The following ZMIZ1 variants were observed in gnomAD, a reference collection of about 807,000 sequenced individuals.
ZMIZ1 encodes zinc finger MIZ-type containing 1.
A neutral mutation model predicts 113.9 loss-of-function variants in ZMIZ1; 17 were observed. The observed-to-expected ratio is 0.15, with a 90% CI of 0.10 to 0.22. The LOEUF (loss-of-function observed/expected upper bound fraction) is 0.22. ZMIZ1 is among the 10% of genes least tolerant of loss of function. The pLI is 1.00. For missense variants in ZMIZ1, 1,059 were observed against 1,477.8 expected (o/e 0.72, Z 4.65); for synonymous variants, 607 against 603.1 (o/e 1.01, Z -0.09).
intron 2 of ZMIZ1, among the ~76,000 whole-genome samples, chr10:79,130,935 T>C (rs2132371698): frequency 6.6e-6 from 1 of 152,220 alleles, no homozygotes; most frequent in African/African-American, 2.4e-5. Flanking sequence ...GTCCTTGCAT[T>C]TTTGCCCGGA....
intron 24 of ZMIZ1, among the ~76,000 whole-genome samples, chr10:79,311,765 C>T (rs1228937125): frequency 6.6e-6 from 1 of 152,076 alleles, no homozygotes; most frequent in Non-Finnish European, 1.5e-5. Context: ...GGGCTCCTAC[C>T]CTGAGGTCTG....
In ZMIZ1 at chr10:79,224,416, C is replaced by T. The variant is rs149940433; in HGVS notation, c.280+8142C>T. ...CTGGCTGGGTCAGCAGTTTTCCTAG[C>T]GCAGCCCTCTCTGGTTCCCCGAGAG... On this transcript the variant is annotated intron_variant, in intron 7 of 24. Coordinates refer to ENST00000334512, the MANE Select transcript of ZMIZ1 (RefSeq NM_020338.4). Among the ~76,000 whole-genome samples, 13 of 152,256 alleles carry T rather than the reference C, an allele frequency of 8.5e-5. No homozygotes were observed. In the East Asian group the frequency reaches 1.2e-3, roughly 14 times the overall value.
intron 3 of ZMIZ1, among the ~76,000 whole-genome samples, chr10:79,149,221 C>T (rs1412516885): frequency 6.6e-6 from 1 of 152,236 alleles, no homozygotes; most frequent in Non-Finnish European, 1.5e-5. Context: ...ACACCCCCTC[C>T]CATCTGTGTT....
intron 3 of ZMIZ1, among the ~76,000 whole-genome samples, chr10:79,153,011 G>T (rs1333576311): frequency 6.6e-6 from 1 of 152,250 alleles, no homozygotes; most frequent in Non-Finnish European, 1.5e-5. Context: ...GTCTGTTGAT[G>T]GGCAGGTGAA....
At chr10:79,115,447 G>A (rs1843977602) in intron 1 of ZMIZ1, among the ~76,000 whole-genome samples, 1 of 152,164 alleles carries the variant, frequency 6.6e-6, no homozygotes, top group African/African-American at 2.4e-5. Context: ...CAGGTGCTGT[G>A]GCCTGTCTGT....
intron 1 of ZMIZ1, among the ~76,000 whole-genome samples, chr10:79,109,421 A>G (rs1843663641): frequency 6.6e-6 from 1 of 152,164 alleles, no homozygotes; most frequent in South Asian, 2.1e-4. Context: ...GCTCATGGAT[A>G]AGACTCTCTG....
At chr10:79,070,142 G>C (rs1233908610) in intron 1 of ZMIZ1, among the ~76,000 whole-genome samples, 1 of 150,176 alleles carries the variant, frequency 6.7e-6, no homozygotes, top group African/African-American at 2.4e-5. Context: ...GCTGGAGCCG[G>C]GGTCGGGGGG....
At chr10:79,198,401 A>T (rs1847932933) in intron 4 of ZMIZ1, among the ~76,000 whole-genome samples, 1 of 152,114 alleles carries the variant, frequency 6.6e-6, no homozygotes, top group Non-Finnish European at 1.5e-5. Flanking sequence ...TTATTTTTAA[A>T]TTTTCTTTTT....
At chr10:79,140,971 G>A (rs997699149) in intron 3 of ZMIZ1, among the ~76,000 whole-genome samples, 5 of 152,008 alleles carry the variant, frequency 3.3e-5, no homozygotes, top group African/African-American at 1.2e-4. Context: ...TTGTGGAGAC[G>A]GGGTCTCACT....
intron 1 of ZMIZ1, among the ~76,000 whole-genome samples, chr10:79,099,044 A>T (rs1227459579): frequency 6.6e-6 from 1 of 152,154 alleles, no homozygotes; most frequent in Non-Finnish European, 1.5e-5. Flanking sequence ...TCAGAATTTC[A>T]ATGTTCCCAG....
intron 18 of ZMIZ1, among the ~76,000 whole-genome samples, chr10:79,302,681 CTTTTTTT>C (rs758621365): frequency 2.4e-5 from 1 of 41,784 alleles, no homozygotes; most frequent in Non-Finnish European, 4.6e-5. Flanking sequence ...ACAGCTCATG[CTTTTTTT>C]TTTTTTTTTT....
intron 2 of ZMIZ1, among the ~76,000 whole-genome samples, chr10:79,120,892 G>A (rs11002834): frequency 0.053 from 8,088 of 152,206 alleles, 297 homozygotes; most frequent in East Asian, 0.18. Flanking sequence ...CCCTGCTCCC[G>A]CTCTCCCACC....
At chr10:79,130,568 C>T (rs1461953143) in intron 2 of ZMIZ1, among the ~76,000 whole-genome samples, 2 of 152,220 alleles carry the variant, frequency 1.3e-5, no homozygotes, top group Non-Finnish European at 2.9e-5. Context: ...CAGGAGTTAT[C>T]TGTCTCCCCA....
intron 3 of ZMIZ1, among the ~76,000 whole-genome samples, 195 bp downstream of exon 3, chr10:79,139,972 G>A (rs1190281302): frequency 1.3e-5 from 2 of 152,212 alleles, no homozygotes; most frequent in African/African-American, 4.8e-5. Context: ...GCCAGAAAAG[G>A]CTTCTGGGTG....
At chr10:79,228,502 A>G (rs977384082) in intron 7 of ZMIZ1, among the ~76,000 whole-genome samples, 12 of 152,230 alleles carry the variant, frequency 7.9e-5, no homozygotes, top group African/African-American at 2.9e-4. Flanking sequence ...GATCAGACTC[A>G]TTGTGAATGT....
chr10:79,127,316 C>G (rs1177702730), intron 2 of ZMIZ1, among the ~76,000 whole-genome samples: 1 of 152,192 alleles, frequency 6.6e-6, no homozygotes, highest in Non-Finnish European at 1.5e-5. Flanking sequence ...CGGCCTCTCT[C>G]TCATGCCTCT....
chr10:79,125,399 C>T (rs116430203), intron 2 of ZMIZ1, among the ~76,000 whole-genome samples: 1 of 152,212 alleles, frequency 6.6e-6, no homozygotes, highest in Non-Finnish European at 1.5e-5. Flanking sequence ...AGAGGTAGGT[C>T]TGGGTCTCCC....
chr10:79,180,304 G>A (rs1847063005), intron 4 of ZMIZ1, among the ~76,000 whole-genome samples: 1 of 152,160 alleles, frequency 6.6e-6, no homozygotes, highest in Non-Finnish European at 1.5e-5. Flanking sequence ...TAAAGAGGCT[G>A]GGTCCCCCAG....
At chr10:79,222,607 G>A (rs1849025441) in intron 7 of ZMIZ1, among the ~76,000 whole-genome samples, 1 of 152,162 alleles carries the variant, frequency 6.6e-6, no homozygotes, top group Non-Finnish European at 1.5e-5. Context: ...CACAAGAGGG[G>A]GGCTGAGACA....
Sources: allele counts gnomAD v4.1 joint callset (sites outside exome capture counted in the v4.1 genomes callset), GRCh38; gene constraint gnomAD v4.1.1; transcripts MANE v1.5; gene names NCBI Gene and HGNC (gene_info 2026-07-23, HGNC 2026-07-21).